Variants in SBNO2 observed in about 807,000 individuals in gnomAD.
SBNO2 encodes the protein strawberry notch homolog 2.
SBNO2 carries 89 observed loss-of-function variants against 146.3 expected under a neutral mutation model. The ratio of observed to expected loss-of-function variants is 0.61; its 90% CI spans 0.51 to 0.73. The LOEUF is 0.73. Among genes scored for constraint, SBNO2 ranks in the 30% least tolerant of loss-of-function variants. The pLI is 0.00. For synonymous variants in SBNO2, 1,147 were observed against 892.6 expected (o/e 1.29, Z -5.08); for missense variants, 2,092 against 2,003.7 (o/e 1.04, Z -0.84).
At position 1,120,064 on chromosome 19, in the gene SBNO2, G is replaced by A. The variant is rs1026199018; in HGVS notation, c.1150-41C>T. 2.0e-6 allele frequency: 3 copies of A among 1,502,422 alleles called. No individual in the cohort carries two copies. In the South Asian group the frequency reaches 3.6e-5, roughly 18 times the overall value. 93.1% of individuals were successfully genotyped at this position (1,502,422 alleles called of 1,614,324 possible). On this transcript the variant is annotated intron_variant, in intron 11 of 31. Transcript: ENST00000361757. ...GTTAAGGAGTATTCTGAAGGACGGG[G>A]GCGACCCCAGGAGCCCAGGTCCTGA...
intron 4 of SBNO2, among the ~76,000 whole-genome samples, chr19:1,138,450 C>T (rs1354876970): frequency 6.6e-6 from 1 of 151,952 alleles, no homozygotes; most frequent in Admixed American, 6.6e-5. Context: ...AACACACAGA[C>T]ATGGACCTGC....
At chr19:1,166,993 G>C (rs2080432254) in intron 1 of SBNO2, among the ~76,000 whole-genome samples, 1 of 152,246 alleles carries the variant, frequency 6.6e-6, no homozygotes, top group South Asian at 2.1e-4. Flanking sequence ...TTGAGCTTAA[G>C]TCCAGCCTTG....
intron 1 of SBNO2, among the ~76,000 whole-genome samples, chr19:1,169,909 G>A (rs982951323): frequency 6.6e-6 from 1 of 152,024 alleles, no homozygotes; most frequent in Non-Finnish European, 1.5e-5. Context: ...ACACAGCCGT[G>A]TCCCCAACAG....
Position 1,111,492 on chromosome 19 carries a change from C to T in SBNO2, c.2809+14G>A. On this transcript the variant is annotated intron_variant, in intron 24 of 31. Transcript: ENST00000361757. ...CCTGCCCCTCCCAGGAAGACCCCCACCAGCCCAGCTTACCCCGGAAGAAGG... is the reference window on the plus strand; with the variant it reads ...CCTGCCCCTCCCAGGAAGACCCCCATCAGCCCAGCTTACCCCGGAAGAAGG... 10 of 1,542,236 alleles carry T rather than the reference C, an allele frequency of 6.5e-6. No homozygotes were observed. Among genetic ancestry groups the T allele is most frequent in the Non-Finnish European group, 8.8e-6 (10 of 1,136,072 alleles).
At chr19:1,114,871 G>A (rs1420723986) in intron 17 of SBNO2, among the ~76,000 whole-genome samples, 1 of 152,054 alleles carries the variant, frequency 6.6e-6, no homozygotes. Flanking sequence ...CTGACCTCGT[G>A]ATCCACCTGC....
rs555819479 is a variant in SBNO2, at chr19:1,154,380, G to A, written c.-104C>T. 15 of 508,170 alleles carry A rather than the reference G, an allele frequency of 3.0e-5. No homozygotes were observed. Among genetic ancestry groups the A allele is most frequent in the South Asian group, 2.9e-4 (3 of 10,178 alleles). The allele number at this position is 508,170 out of a possible 1,614,324, so 31.5% of individuals were successfully genotyped here. A position where few individuals can be genotyped will look rare whatever the true frequency, so the allele number is the denominator to read the frequency against. On this transcript the variant is annotated 5_prime_UTR_variant, in exon 2 of 32. Coordinates refer to ENST00000361757, the MANE Select transcript of SBNO2 (RefSeq NM_014963.3). ...TCTGGGCTTCTCGCTCCGTGGTGGC[G>A]GCGGTGGCGGCAGCATCATGATCTG...
At chr19:1,147,635 C>T (rs897848617) in intron 3 of SBNO2, among the ~76,000 whole-genome samples, 2 of 152,016 alleles carry the variant, frequency 1.3e-5, no homozygotes, top group African/African-American at 2.4e-5. Context: ...CCACTGGACA[C>T]AGCCCGGCAG....
intron 24 of SBNO2, 67 bp from the exon 25 acceptor site, chr19:1,111,160 C>A (rs2079754613): frequency 1.3e-6 from 2 of 1,492,830 alleles, no homozygotes; most frequent in Admixed American, 4.1e-5. Flanking sequence ...CCCCTAGCTC[C>A]TTTTCCAGAG....
Position 1,119,107 on chromosome 19 carries a change from G to A in SBNO2, c.1431C>T (p.Ile477=), listed in dbSNP as rs11878817. ...AMDMKVSGMY[I]ARQLSFSGVT... Reference sequence around the variant, plus strand: ...CGCCGGAGAAGCTGAGCTGGCGTGCGATGTACATGCCGCTGACCTTCATGT... The same window carrying A: ...CGCCGGAGAAGCTGAGCTGGCGTGCAATGTACATGCCGCTGACCTTCATGT... The change falls in exon 14 of 32, where the codon ATC becomes ATT. Residue 477 remains isoleucine (I), a synonymous_variant. Coordinates refer to ENST00000361757, the MANE Select transcript of SBNO2 (RefSeq NM_014963.3). 8,715 of 1,604,672 alleles carry A rather than the reference G, an allele frequency of 5.4e-3. 399 individuals are homozygous for A. In the African/African-American group the frequency reaches 0.1, roughly 19 times the overall value.
In SBNO2 at chr19:1,116,192, C is replaced by T. The variant is rs960113400; in HGVS notation, c.1803-89G>A. The T allele has an allele frequency of 1.3e-5, 16 of 1,222,568 alleles. No individual in the cohort carries two copies. The Admixed American group carries it at 2.9e-4, about 22-fold the overall frequency. 75.7% of individuals were successfully genotyped at this position (1,222,568 alleles called of 1,614,324 possible). On this transcript the variant is annotated intron_variant, in intron 16 of 31. Transcript: ENST00000361757. ...AGGAGCTGGACGCACCCCTGGGTCC[C>T]TGTGGGGGTCCCGGACAGGACCGGG...
intron 23 of SBNO2, 34 bp downstream of exon 23, chr19:1,111,962 G>GC: frequency 5.0e-5 from 76 of 1,505,234 alleles, no homozygotes; most frequent in Non-Finnish European, 6.2e-5. Flanking sequence ...CCCTGCCCCT[G>GC]CCCCGCCCCC....
chr19:1,109,847 G>C lies in SBNO2; in HGVS notation c.3029-70C>G. ...GTGGGCTGGGGCCAGGGTCAGTCCC[G>C]TAGCCGGGGCGCACCCTAGAGACGA... On this transcript the variant is annotated intron_variant, in intron 26 of 31. Coordinates refer to ENST00000361757, the MANE Select transcript of SBNO2 (RefSeq NM_014963.3). The surrounding 1 kb of genome is among the most constrained non-coding windows in gnomAD (Gnocchi z 4.2). The C allele has an allele frequency of 8.2e-7, 1 of 1,218,906 alleles. No homozygotes were observed. The highest frequency in any genetic ancestry group is 1.2e-6 in the Non-Finnish European group (1 of 864,852). 75.5% of individuals were successfully genotyped at this position (1,218,906 alleles called of 1,614,324 possible). A position where few individuals can be genotyped will look rare whatever the true frequency, so the allele number is the denominator to read the frequency against.
In SBNO2 at chr19:1,109,139, C is replaced by A; in HGVS notation, c.3421G>T (p.Ala1141Ser). ...ALSLTHCSHS[A>S]WNRHCRLAQE... ...TGGTCCCCGGCCCGCCCTCACCAGG[C>A]GCTGTGGCTGCAGTGCGTCAGCGAC... The change falls in exon 30 of 32, where the codon GCC becomes TCC. Residue 1141 changes from alanine (A) to serine (S), a missense_variant. Coordinates refer to ENST00000361757, the MANE Select transcript of SBNO2 (RefSeq NM_014963.3). This position sits in a 1 kb window ranked among gnomAD's most constrained non-coding sequence, Gnocchi z 4.2. 1.3e-6 allele frequency: 2 copies of A among 1,552,644 alleles called. No individual in the cohort carries two copies. Among genetic ancestry groups the A allele is most frequent in the Non-Finnish European group, 1.7e-6 (2 of 1,148,500 alleles).
Position 1,116,815 on chromosome 19 carries a change from A to C in SBNO2, c.1802+14T>G. 6.4e-7 allele frequency: 1 copy of C among 1,571,990 alleles called. No homozygotes were observed. The highest frequency in any genetic ancestry group is 2.4e-5 in the East Asian group (1 of 42,548). On this transcript the variant is annotated intron_variant, in intron 16 of 31. Coordinates refer to ENST00000361757, the MANE Select transcript of SBNO2 (RefSeq NM_014963.3). ...GCAGGAAGCCCACAGTCCTGTCCCC[A>C]CCGTGACACTTACTCAGCGGCCGAG...
rs2079963235 is a variant in SBNO2 at position 1,126,130 on chromosome 19, GAGCCACC to G, written c.441+1467_441+1473del. Among the ~76,000 whole-genome samples, 1 of 152,222 alleles carries G rather than the reference GAGCCACC, an allele frequency of 6.6e-6. No homozygotes were observed. Among genetic ancestry groups the G allele is most frequent in the African/African-American group, 2.4e-5 (1 of 41,458 alleles). ...GGGCCGGGTTCTCGGCAGTGTGTGG[GAGCCACC>G]AGGCTAGTGATGCTAATGAACTGAG... On this transcript the variant is annotated intron_variant, in intron 5 of 31. Transcript: ENST00000361757. The surrounding 1 kb of genome is among the most constrained non-coding windows in gnomAD (Gnocchi z 4.4).
intron 6 of SBNO2, 25 bp from the exon 7 acceptor site, chr19:1,123,664 G>A (rs200272005): frequency 1.3e-4 from 215 of 1,593,356 alleles, no homozygotes; most frequent in Non-Finnish European, 1.7e-4. Context: ...GGAGCTCAGC[G>A]GAGACTGCAG....
At position 1,166,650 on chromosome 19, in the gene SBNO2, C is replaced by T. The variant is rs1048698129; in HGVS notation, c.-127+7522G>A. On this transcript the variant is annotated intron_variant, in intron 1 of 31. Coordinates refer to ENST00000361757, the MANE Select transcript of SBNO2 (RefSeq NM_014963.3). ...ACACACACACACACACACACACACACGCTAAAAGCCACACACGCTAAAAAC... is the reference window on the plus strand; with the variant it reads ...ACACACACACACACACACACACACATGCTAAAAGCCACACACGCTAAAAAC... 1.7e-4 allele frequency among the ~76,000 whole-genome samples: 24 copies of T among 145,392 alleles called. No homozygotes were observed. In the South Asian group the frequency reaches 3.7e-3, roughly 23 times the overall value.
At chr19:1,151,878 G>A (rs181100164) in intron 2 of SBNO2, among the ~76,000 whole-genome samples, 5 of 152,312 alleles carry the variant, frequency 3.3e-5, no homozygotes, top group Non-Finnish European at 5.9e-5. Context: ...GGCCAGGCCG[G>A]TCTCGAACTC....
At chr19:1,132,251 TC>T (rs2080038808) in intron 4 of SBNO2, 1 of 1,309,146 alleles carries the variant, frequency 7.6e-7, no homozygotes, top group Non-Finnish European at 9.7e-7. Context: ...GGGGCGGCTC[TC>T]CGCCCGGCTG....
Sources: gnomAD v4.1 joint callset for allele counts (sites outside exome capture counted in the v4.1 genomes callset) on GRCh38, gnomAD v4.1.1 for gene constraint, Gnocchi (gnomAD v3.1) non-coding constraint, MANE v1.5 for transcripts, NCBI Gene and HGNC (gene_info 2026-07-23, HGNC 2026-07-21) for gene names.